The following DCAF1 variants were observed in gnomAD, a reference collection of about 807,000 sequenced individuals.
The protein encoded by DCAF1 is DDB1- and CUL4-associated factor 1.
In DCAF1, 15 loss-of-function variants were observed where a neutral mutation model predicts 128.0. That is an observed-to-expected ratio of 0.12 (90% CI 0.08 to 0.18). The LOEUF (loss-of-function observed/expected upper bound fraction) is 0.18. Among genes scored for constraint, DCAF1 ranks in the 10% least tolerant of loss-of-function variants. DCAF1 has a pLI of 1.00. For missense variants in DCAF1, 988 were observed against 1,649.5 expected (o/e 0.60, Z 6.95); for synonymous variants, 610 against 603.0 (o/e 1.01, Z -0.17).
At chr3:51,498,742 TAATG>T (rs1347881075) in intron 1 of DCAF1, among the ~76,000 whole-genome samples, 72 of 152,250 alleles carry the variant, frequency 4.7e-4, no homozygotes, top group African/African-American at 1.7e-3. Flanking sequence ...CAAAAATGGG[TAATG>T]AATAAATGTT....
chr3:51,492,935 A>G (rs1190736693), intron 2 of DCAF1, among the ~76,000 whole-genome samples: 2 of 152,068 alleles, frequency 1.3e-5, no homozygotes, highest in Non-Finnish European at 2.9e-5. Context: ...TGGAGCTTGC[A>G]GTGAGCCGAG....
chr3:51,469,355 T>C (rs1577249665), intron 4 of DCAF1, among the ~76,000 whole-genome samples: 1 of 151,042 alleles, frequency 6.6e-6, no homozygotes, highest in East Asian at 2.0e-4. Context: ...CTCAGCCTCC[T>C]GAGTAGCTGG....
At chr3:51,496,533 G>A (rs546213776) in intron 2 of DCAF1, among the ~76,000 whole-genome samples, 4 of 151,626 alleles carry the variant, frequency 2.6e-5, no homozygotes, top group African/African-American at 4.9e-5. Context: ...ATGGTGACAC[G>A]GTAGTTACCA....
In DCAF1 at chr3:51,398,674, A is replaced by G. The variant is rs2089403646; in HGVS notation, c.*95T>C. ...CAGGGCATGCAGCTCCTTAAAAGAC[A>G]GACAGCCCTGGGAGAAAGAGAAGGG... On this transcript the variant is annotated 3_prime_UTR_variant, in exon 25 of 25. Coordinates refer to ENST00000684031, the MANE Select transcript of DCAF1 (RefSeq NM_001387579.1). 6.7e-7 allele frequency: 1 copy of G among 1,492,226 alleles called. No individual in the cohort carries two copies. Among genetic ancestry groups the G allele is most frequent in the Non-Finnish European group, 9.0e-7 (1 of 1,107,478 alleles). The allele number at this position is 1,492,226 out of a possible 1,614,324, so 92.4% of individuals were successfully genotyped here.
chr3:51,484,796 C>A (rs573018464), intron 2 of DCAF1, among the ~76,000 whole-genome samples: 2 of 151,212 alleles, frequency 1.3e-5, no homozygotes, highest in Non-Finnish European at 2.9e-5. Context: ...AATTCTCCTG[C>A]CTCAGCCTCC....
At chr3:51,498,376 G>GA (rs1175129153) in intron 1 of DCAF1, among the ~76,000 whole-genome samples, 6,625 of 77,808 alleles carry the variant, frequency 0.085, 620 homozygotes, top group East Asian at 0.41. Context: ...AAAGAAAAAA[G>GA]AAAAAAAAAA....
At chr3:51,451,757 T>G (rs1702376424) in intron 6 of DCAF1, among the ~76,000 whole-genome samples, 3 of 144,328 alleles carry the variant, frequency 2.1e-5, no homozygotes, top group African/African-American at 8.0e-5. Flanking sequence ...AGCAAAACTC[T>G]GTCTCAAAAA....
Position 51,419,955 on chromosome 3 carries a change from G to A in DCAF1, c.3015C>T (p.Asp1005=). The A allele has an allele frequency of 1.9e-6, 3 of 1,614,042 alleles. No individual in the cohort carries two copies. Among genetic ancestry groups the A allele is most frequent in the Non-Finnish European group, 2.5e-6 (3 of 1,179,906 alleles). The change falls in exon 15 of 25, where the codon GAC becomes GAT. Residue 1005 remains aspartate, a synonymous_variant. Transcript: ENST00000684031. ...DRHLPSPPTL[D]SIITEYLREQ... is the part of the protein sequence containing the mutation. ...CTCTAAGATACTCTGTGATTATACTGTCCAGCGTAGGTGGGGAAGGAAGAT... is the reference window on the plus strand; with the variant it reads ...CTCTAAGATACTCTGTGATTATACTATCCAGCGTAGGTGGGGAAGGAAGAT...
chr3:51,461,725 T>C (rs1553644624), intron 6 of DCAF1, among the ~76,000 whole-genome samples: 1 of 152,136 alleles, frequency 6.6e-6, no homozygotes, highest in African/African-American at 2.4e-5. Context: ...TGGAATACTA[T>C]GCAGCCATAA....
At chr3:51,454,366 T>C (rs1422161064) in intron 6 of DCAF1, among the ~76,000 whole-genome samples, 1 of 152,086 alleles carries the variant, frequency 6.6e-6, no homozygotes, top group Non-Finnish European at 1.5e-5. Context: ...TTCTCTTTTA[T>C]TTATTTATTT....
At chr3:51,421,092 T>G in intron 14 of DCAF1, 95 bp from the exon 15 acceptor site, 1 of 1,424,360 alleles carries the variant, frequency 7.0e-7, no homozygotes. Flanking sequence ...CTACTCACTT[T>G]TACTTTAAAA....
intron 4 of DCAF1, among the ~76,000 whole-genome samples, chr3:51,468,715 C>T (rs1704406108): frequency 6.6e-6 from 1 of 152,136 alleles, no homozygotes; most frequent in South Asian, 2.1e-4. Flanking sequence ...GTTTATAAAT[C>T]ATGAAACTGA....
At chr3:51,430,546 C>T (rs577888093) in intron 10 of DCAF1, among the ~76,000 whole-genome samples, 77 of 10,778 alleles carry the variant, frequency 7.1e-3, no homozygotes, top group African/African-American at 7.6e-3. Flanking sequence ...TAAGGAACTT[C>T]TCCAAATGTG....
chr3:51,464,694 G>C (rs1229707449), intron 5 of DCAF1, among the ~76,000 whole-genome samples: 1 of 150,130 alleles, frequency 6.7e-6, no homozygotes, highest in Admixed American at 6.7e-5. Context: ...AAAAAAAAAA[G>C]ATGTGTAATT....
At chr3:51,486,605 C>A (rs1346954659) in intron 2 of DCAF1, among the ~76,000 whole-genome samples, 1 of 151,958 alleles carries the variant, frequency 6.6e-6, no homozygotes, top group Admixed American at 6.6e-5. Context: ...TATTTTACTG[C>A]TATCTACTAA....
At position 51,420,886 on chromosome 3, in the gene DCAF1, C is replaced by T. The variant is rs782588472; in HGVS notation, c.2084G>A (p.Arg695Gln). ...GATAAATTTACCAATACTGGATATT[C>T]GGTTATCTGGGCCACACACACAATT... ...IINCVCGPDN[R>Q]ISSIGKFISG... Residue 695 changes from arginine to glutamine, a missense_variant, in exon 15 of 25, where the codon CGA becomes CAA. By Grantham distance (43) the Arg-to-Gln change is conservative (BLOSUM62 1). This residue lies in a region of DCAF1 where 185 missense variants were observed against 248.1 expected (regional missense o/e 0.75). Coordinates refer to ENST00000684031, the MANE Select transcript of DCAF1 (RefSeq NM_001387579.1). The surrounding 1 kb of genome is among the most constrained non-coding windows in gnomAD (Gnocchi z 6.5). 3 of 1,613,948 alleles carry T rather than the reference C, an allele frequency of 1.9e-6. No individual in the cohort carries two copies. Among genetic ancestry groups the T allele is most frequent in the Non-Finnish European group, 1.7e-6 (2 of 1,179,896 alleles).
chr3:51,398,315 GA>G lies in DCAF1; in HGVS notation c.*453del, dbSNP rs2106712333. On this transcript the variant is annotated 3_prime_UTR_variant, in exon 25 of 25. Transcript: ENST00000684031. ...TCTTTAGACATCATTTTCTTCCAAAGAAAATGAAGTGCAGGGACAAGAGACC... is the reference window on the plus strand; with the variant it reads ...TCTTTAGACATCATTTTCTTCCAAAGAAATGAAGTGCAGGGACAAGAGACC... 1.3e-5 allele frequency: 2 copies of G among 152,882 alleles called. 1 individual carries two copies. Among genetic ancestry groups the G allele is most frequent in the East Asian group, 3.8e-4 (2 of 5,202 alleles). The allele number at this position is 152,882 out of a possible 1,614,324, so 9.5% of individuals were successfully genotyped here. A position where few individuals can be genotyped will look rare whatever the true frequency, so the allele number is the denominator to read the frequency against.
chr3:51,416,753 A>G (rs1553630484), intron 18 of DCAF1, 34 bp downstream of exon 18: 9 of 1,585,940 alleles, frequency 5.7e-6, no homozygotes, highest in Non-Finnish European at 6.9e-6. Flanking sequence ...AATGGGTATG[A>G]TCAGCTTGAA....
At chr3:51,446,619 A>G (rs1701878922) in intron 6 of DCAF1, among the ~76,000 whole-genome samples, 1 of 152,020 alleles carries the variant, frequency 6.6e-6, no homozygotes, top group Non-Finnish European at 1.5e-5. Context: ...TGACAAAGCG[A>G]GACCCCATGC....
Sources: allele counts gnomAD v4.1 joint callset (sites outside exome capture counted in the v4.1 genomes callset), GRCh38; gene constraint gnomAD v4.1.1; regional missense constraint gnomAD v4.1.1; non-coding constraint Gnocchi (gnomAD v3.1); transcripts MANE v1.5; gene names NCBI Gene and HGNC (gene_info 2026-07-23, HGNC 2026-07-21).